METTL8: variants seen among roughly 807,000 people sequenced by gnomAD.
METTL8 encodes methyltransferase 8, tRNA N3-cytidine.
A neutral mutation model predicts 48.7 loss-of-function variants in METTL8; 32 were observed. The ratio of observed to expected loss-of-function variants is 0.66; its 90% CI spans 0.50 to 0.88. The LOEUF is 0.88. METTL8 is among the 40% of genes least tolerant of loss of function. METTL8 has a pLI of 0.00. For missense variants in METTL8, 464 were observed against 474.4 expected (o/e 0.98, Z 0.20); for synonymous variants, 136 against 157.1 (o/e 0.87, Z 1.01).
intron 9 of METTL8, 67 bp downstream of exon 9, chr2:171,325,774 T>C: frequency 4.2e-6 from 4 of 955,418 alleles, no homozygotes; most frequent in Admixed American, 5.0e-5. Flanking sequence ...TTCTGAGCTA[T>C]AATCAATGAG....
chr2:171,397,761 G>T (rs1689254703), intron 1 of METTL8, among the ~76,000 whole-genome samples: 1 of 152,036 alleles, frequency 6.6e-6, no homozygotes, highest in Non-Finnish European at 1.5e-5. Flanking sequence ...AGACCTTACA[G>T]ACATTGAAAA....
intron 3 of METTL8, among the ~76,000 whole-genome samples, chr2:171,358,032 T>G (rs996888373): frequency 1.3e-5 from 2 of 151,900 alleles, no homozygotes; most frequent in Non-Finnish European, 2.9e-5. Context: ...AGATCCAGAA[T>G]AGCCAAAGCA....
chr2:171,430,203 T>C (rs1338778472), intron 1 of METTL8, among the ~76,000 whole-genome samples: 1 of 151,062 alleles, frequency 6.6e-6, no homozygotes. Context: ...ACTAAAAATA[T>C]TAAAATTAGC....
At chr2:171,377,101 T>C (rs1687050477) in intron 2 of METTL8, among the ~76,000 whole-genome samples, 1 of 152,032 alleles carries the variant, frequency 6.6e-6, no homozygotes, top group South Asian at 2.1e-4. Context: ...AGGGAAAGGA[T>C]ACTCTATTCA....
rs765670002 is a variant in METTL8 at position 171,337,474 on chromosome 2, AAC to A, written c.633_634del (p.Phe212SerfsTer18). The A allele has an allele frequency of 1.4e-5, 23 of 1,606,320 alleles. No individual in the cohort carries two copies. In the Admixed American group the frequency reaches 2.7e-4, roughly 19 times the overall value. ...TCACTCCAAAGTGTTCAAAATTGGA[AAC>A]ACACTATTTCCAGCTCCACAACCAA... On this transcript the variant is annotated frameshift_variant, in exon 5 of 10. Transcript: ENST00000375258. LOFTEE classifies it high-confidence loss of function.
intron 1 of METTL8, among the ~76,000 whole-genome samples, chr2:171,399,671 C>CTA (rs768610815): frequency 4.4e-4 from 67 of 152,248 alleles, no homozygotes; most frequent in Non-Finnish European, 8.5e-4. Context: ...TATCAACAAA[C>CTA]TATAACATAT....
chr2:171,360,373 A>G (rs1685029536), intron 3 of METTL8, 49 bp downstream of exon 3: 1 of 1,517,428 alleles, frequency 6.6e-7, no homozygotes, highest in South Asian at 1.1e-5. Flanking sequence ...AGGAGGAGGA[A>G]AAGTCACTAA....
intron 1 of METTL8, among the ~76,000 whole-genome samples, chr2:171,429,267 T>A (rs977871719): frequency 1.3e-5 from 2 of 152,338 alleles, no homozygotes; most frequent in Non-Finnish European, 1.5e-5. Context: ...CATTGATACA[T>A]GTTAATGAGA....
At chr2:171,377,413 T>C (rs1436006628) in intron 2 of METTL8, among the ~76,000 whole-genome samples, 3 of 152,188 alleles carry the variant, frequency 2.0e-5, no homozygotes, top group African/African-American at 4.8e-5. Context: ...GAAAAGCTTC[T>C]GCAAAGCAAA....
intron 9 of METTL8, 104 bp downstream of exon 9, chr2:171,325,737 C>A: frequency 1.4e-6 from 1 of 702,902 alleles, no homozygotes; most frequent in South Asian, 1.9e-5. Context: ...AATGCTTAAT[C>A]AATGACTGAA....
At chr2:171,369,387 A>C (rs935682743) in intron 2 of METTL8, among the ~76,000 whole-genome samples, 1 of 152,260 alleles carries the variant, frequency 6.6e-6, no homozygotes, top group African/African-American at 2.4e-5. Flanking sequence ...ATATAATGCA[A>C]GAGGATATGA....
At chr2:171,387,321 G>A (rs973288125) in intron 2 of METTL8, among the ~76,000 whole-genome samples, 2 of 152,008 alleles carry the variant, frequency 1.3e-5, no homozygotes, top group Non-Finnish European at 2.9e-5. Flanking sequence ...TCTGAGCAGC[G>A]GGGCACTGAA....
intron 1 of METTL8, among the ~76,000 whole-genome samples, chr2:171,404,052 CATATAT>C (rs60563600): frequency 0.01 from 445 of 43,918 alleles, 3 homozygotes; most frequent in African/African-American, 0.018. Flanking sequence ...TATGCTTTCT[CATATAT>C]ATATATATAT....
chr2:171,434,735 GGCCGCGGGCGC>G, upstream of METTL8: 1 of 1,400,612 alleles, frequency 7.1e-7, no homozygotes, highest in Non-Finnish European at 9.2e-7. Context: ...CGGGACGGAG[GGCCGCGGGCGC>G]GCGGCGGCCG....
At chr2:171,422,500 G>T (rs1311717307) in intron 1 of METTL8, among the ~76,000 whole-genome samples, 2 of 152,180 alleles carry the variant, frequency 1.3e-5, no homozygotes, top group African/African-American at 4.8e-5. Flanking sequence ...CATTTAATGT[G>T]AGCTTCTTTT....
chr2:171,325,365 G>A (rs1189439548), intron 9 of METTL8, among the ~76,000 whole-genome samples: 1 of 151,984 alleles, frequency 6.6e-6, no homozygotes, highest in South Asian at 2.1e-4. Flanking sequence ...AAAAAAAATT[G>A]TTTTGTAGAG....
chr2:171,362,480 T>C (rs780330275), intron 2 of METTL8, among the ~76,000 whole-genome samples: 19 of 151,992 alleles, frequency 1.3e-4, no homozygotes, highest in Non-Finnish European at 2.2e-4. Context: ...GTATTGCTTA[T>C]ACAATCAGAT....
intron 3 of METTL8, among the ~76,000 whole-genome samples, chr2:171,356,293 C>T (rs1270551366): frequency 1.3e-5 from 2 of 152,158 alleles, no homozygotes; most frequent in Non-Finnish European, 2.9e-5. Flanking sequence ...GTGTGTGCCA[C>T]CAGACCCGGC....
intron 3 of METTL8, among the ~76,000 whole-genome samples, chr2:171,358,353 G>GAAAA (rs750007486): frequency 1.6e-4 from 9 of 57,084 alleles, no homozygotes; most frequent in South Asian, 5.7e-4. Context: ...TCCGTCTCCA[G>GAAAA]AAAAAAAAAA....
Sources: gnomAD v4.1 joint callset for allele counts (sites outside exome capture counted in the v4.1 genomes callset) on GRCh38, gnomAD v4.1.1 for gene constraint, MANE v1.5 for transcripts, NCBI Gene and HGNC (gene_info 2026-07-23, HGNC 2026-07-21) for gene names.